The following ZNF578 variants were observed in gnomAD, a reference collection of about 807,000 sequenced individuals.
ZNF578 encodes zinc finger protein 578.
A neutral mutation model predicts 8.3 loss-of-function variants in ZNF578; 8 were observed. That is an observed-to-expected ratio of 0.96 (90% CI 0.56 to 1.74). The LOEUF (loss-of-function observed/expected upper bound fraction) is 1.74, where lower values mean the gene tolerates loss of function less well. ZNF578 is among the 40% of genes most tolerant of loss of function. ZNF578 has a pLI of 0.00. For missense variants in ZNF578, 726 were observed against 707.5 expected, an observed-to-expected ratio of 1.03 and a Z score of -0.30; for synonymous variants, 206 against 232.2, an observed-to-expected ratio of 0.89 and a Z score of 1.03.
chr19:52,493,176 C>A (rs1366601519), intron 3 of ZNF578, among the ~76,000 whole-genome samples: 1 of 152,292 alleles, frequency 6.6e-6, no homozygotes, highest in East Asian at 1.9e-4. Flanking sequence ...GAGGTGGATT[C>A]CCGCCCTGGG....
intron 2 of ZNF578, chr19:52,473,840 C>T: frequency 3.1e-6 from 1 of 320,612 alleles, no homozygotes. Context: ...TGTATGAATT[C>T]TCCAACATTG....
chr19:52,507,388 C>T (rs1568466810), intron 5 of ZNF578, among the ~76,000 whole-genome samples: 1 of 151,664 alleles, frequency 6.6e-6, no homozygotes, highest in Non-Finnish European at 1.5e-5. Flanking sequence ...ATTCCGTTTG[C>T]CACAAAACAA....
At chr19:52,466,897 ATG>A (rs1437878216) in intron 2 of ZNF578, among the ~76,000 whole-genome samples, 1 of 152,184 alleles carries the variant, frequency 6.6e-6, no homozygotes, top group Admixed American at 6.5e-5. Context: ...ATGTGTTTGC[ATG>A]TGTGTATACA....
At chr19:52,460,050 CACCG>C (rs2059252997) in intron 2 of ZNF578, among the ~76,000 whole-genome samples, 1 of 150,790 alleles carries the variant, frequency 6.6e-6, no homozygotes, top group South Asian at 2.1e-4. Flanking sequence ...CAGGCATAGC[CACCG>C]TGCCTGGCCA....
chr19:52,465,879 C>T (rs903870909), intron 2 of ZNF578, among the ~76,000 whole-genome samples: 3 of 152,356 alleles, frequency 2.0e-5, no homozygotes, highest in South Asian at 2.1e-4. Context: ...CACGCTTGAG[C>T]GTTCCTTTAC....
Position 52,504,687 on chromosome 19 carries a change from A to T in ZNF578, c.96A>T (p.Glu32Asp). 2 of 1,614,088 alleles carry T rather than the reference A, an allele frequency of 1.2e-6. No homozygotes were observed. The highest frequency in any genetic ancestry group is 1.7e-6 in the Non-Finnish European group (2 of 1,180,016). Residue 32 changes from glutamate (E) to aspartate (D), a missense_variant, in exon 5 of 6, where the codon GAA (glutamate) becomes GAT (aspartate). Physicochemically the swap from Glu to Asp is conservative, Grantham distance 45 (BLOSUM62 2). Transcript: ENST00000421239. ...GRLTFRDVAI[E>D]FSLAEWKFLN... ...TGACTTTCAGGGATGTGGCTATAGA[A>T]TTCTCATTGGCAGAGTGGAAATTCC... is the stretch of plus-strand genomic sequence containing the variant.
rs2059461495 is a variant in ZNF578 at position 52,513,888 on chromosome 19, G to A, written c.*1734G>A. On this transcript the variant is annotated 3_prime_UTR_variant, in exon 6 of 6. Coordinates refer to ENST00000421239, the MANE Select transcript of ZNF578 (RefSeq NM_001099694.2). ...AAAAATACAAAAGTTAGCCAGGGGT[G>A]GGGGTGTGCACCTTTAGTTCCAGCT... Among the ~76,000 whole-genome samples, 1 of 152,094 alleles carries A rather than the reference G, an allele frequency of 6.6e-6. No individual in the cohort carries two copies. The highest frequency in any genetic ancestry group is 1.5e-5 in the Non-Finnish European group (1 of 67,998).
Position 52,467,042 on chromosome 19 carries a change from G to A in ZNF578, c.-122+10084G>A, listed in dbSNP as rs527379018. ...TTTTTTTTTTTTGAGACAGAGTCTCGCTCTGTTGCCCAGGCTGGAGTGCAG... is the reference window on the plus strand; with the variant it reads ...TTTTTTTTTTTTGAGACAGAGTCTCACTCTGTTGCCCAGGCTGGAGTGCAG... On this transcript the variant is annotated intron_variant, in intron 2 of 5. Transcript: ENST00000421239. Among the ~76,000 whole-genome samples the A allele has an allele frequency of 3.1e-3, 470 of 149,228 alleles. 4 individuals are homozygous for A. The highest frequency in any genetic ancestry group is 0.011 in the African/African-American group (451 of 40,334).
In ZNF578 at chr19:52,469,660, A is replaced by G. The variant is rs187568388; in HGVS notation, c.-122+12702A>G. Among the ~76,000 whole-genome samples, 44 of 152,260 alleles carry G rather than the reference A, an allele frequency of 2.9e-4. No homozygotes were observed. In the South Asian group the frequency reaches 7.0e-3, roughly 24 times the overall value. ...ATACTCATGATTCAGTGCTCCTGAG[A>G]GGCAAGGAGTTTAGTGACTTTATAC... is the stretch of plus-strand genomic sequence containing the variant. On this transcript the variant is annotated intron_variant, in intron 2 of 5. Coordinates refer to ENST00000421239, the MANE Select transcript of ZNF578 (RefSeq NM_001099694.2).
rs1021730457 is a variant in ZNF578, at chr19:52,515,968, A to G, written c.*3814A>G. Among the ~76,000 whole-genome samples, 2 of 151,676 alleles carry G rather than the reference A, an allele frequency of 1.3e-5. No homozygotes were observed. The highest frequency in any genetic ancestry group is 1.9e-4 in the East Asian group (1 of 5,140). On this transcript the variant is annotated 3_prime_UTR_variant, in exon 6 of 6. Coordinates refer to ENST00000421239, the MANE Select transcript of ZNF578 (RefSeq NM_001099694.2). Reference sequence around the variant, plus strand: ...CCGTGTTCCCCAGGACAAAAGCCCAACCCCTCACTGTGGCTCCACAGCCCC... The same window carrying G: ...CCGTGTTCCCCAGGACAAAAGCCCAGCCCCTCACTGTGGCTCCACAGCCCC...
chr19:52,474,024 G>C (rs1215762618), intron 2 of ZNF578: 8 of 418,844 alleles, frequency 1.9e-5, no homozygotes, highest in Non-Finnish European at 3.4e-5. Flanking sequence ...TGTCGTGCAA[G>C]GTGTGCAATT....
At chr19:52,460,883 CA>C (rs2059255782) in intron 2 of ZNF578, among the ~76,000 whole-genome samples, 1 of 152,112 alleles carries the variant, frequency 6.6e-6, no homozygotes, top group Admixed American at 6.6e-5. Context: ...GGACCAGCCT[CA>C]ACACCACCCA....
At chr19:52,510,406 T>C (rs1265803317) in intron 5 of ZNF578, among the ~76,000 whole-genome samples, 166 bp from the exon 6 acceptor site, 1 of 152,180 alleles carries the variant, frequency 6.6e-6, no homozygotes, top group African/African-American at 2.4e-5. Flanking sequence ...GACATGTAAT[T>C]GTCTGTTATT....
rs770995481 is a variant in ZNF578 at position 52,511,963 on chromosome 19, C to T, written c.1582C>T (p.Arg528Cys). The T allele has an allele frequency of 3.1e-5, 50 of 1,613,644 alleles. No individual in the cohort carries two copies. Among genetic ancestry groups the T allele is most frequent in the African/African-American group, 2.7e-4 (20 of 74,808 alleles). ...KTFNVQSHLS[R>C]HHRLHTGEKP... ...TTTTAATGTACAGTCACACCTTTCA[C>T]GTCATCATAGACTTCATACTGGAGA... Residue 528 changes from arginine to cysteine, a missense_variant, in exon 6 of 6, where the codon CGT becomes TGT. By Grantham distance (180) the Arg-to-Cys change is radical. Transcript: ENST00000421239.
Position 52,512,075 on chromosome 19 carries a change from AACCTT to A in ZNF578, c.1697_1701del (p.Pro566GlnfsTer3). Reference sequence around the variant, plus strand: ...CATACTAGAATTCATAGCGGAGAGAAACCTTACAAGTGTAATGAGTGTGGTAAGGC... The same window carrying A: ...CATACTAGAATTCATAGCGGAGAGAAACAAGTGTAATGAGTGTGGTAAGGC... On this transcript the variant is annotated frameshift_variant, in exon 6 of 6. Transcript: ENST00000421239. LOFTEE classifies it low-confidence loss of function (END_TRUNC). The A allele has an allele frequency of 2.5e-6, 4 of 1,613,872 alleles. No individual in the cohort carries two copies. The highest frequency in any genetic ancestry group is 3.4e-6 in the Non-Finnish European group (4 of 1,179,974).
At chr19:52,493,355 T>C (rs1433417932) in intron 3 of ZNF578, among the ~76,000 whole-genome samples, 13 of 152,176 alleles carry the variant, frequency 8.5e-5, no homozygotes, top group Non-Finnish European at 1.5e-4. Context: ...GTCTTCCCTC[T>C]GCAGTCACCG....
intron 2 of ZNF578, among the ~76,000 whole-genome samples, chr19:52,464,843 A>G (rs2059269578): frequency 6.6e-6 from 1 of 152,220 alleles, no homozygotes; most frequent in Admixed American, 6.5e-5. Context: ...AGGATGGTAA[A>G]GGAAATTTTT....
At chr19:52,505,629 T>C (rs1389945037) in intron 5 of ZNF578, among the ~76,000 whole-genome samples, 1 of 151,954 alleles carries the variant, frequency 6.6e-6, no homozygotes, top group African/African-American at 2.4e-5. Flanking sequence ...TTTCACCGTG[T>C]TAGCCAAGAT....
intron 2 of ZNF578, among the ~76,000 whole-genome samples, chr19:52,482,942 CA>C (rs35843945): frequency 0.031 from 1,722 of 55,448 alleles, 20 homozygotes; most frequent in African/African-American, 0.081. Flanking sequence ...CTCTGTCTCC[CA>C]AAAAAAAAAA....
Sources: gnomAD v4.1 joint callset for allele counts (sites outside exome capture counted in the v4.1 genomes callset) on GRCh38, gnomAD v4.1.1 for gene constraint, MANE v1.5 for transcripts, NCBI Gene and HGNC (gene_info 2026-07-23, HGNC 2026-07-21) for gene names.